PRR5L: variants seen among roughly 807,000 people sequenced by gnomAD.
The protein encoded by PRR5L is proline rich 5 like.
In PRR5L, 21 loss-of-function variants were observed where a neutral mutation model predicts 36.4. The observed-to-expected ratio is 0.58, with a 90% CI of 0.41 to 0.83. The LOEUF (loss-of-function observed/expected upper bound fraction) is 0.83, where lower values mean the gene tolerates loss of function less well. Ranked by LOEUF, PRR5L falls within the 40% of genes least tolerant of loss-of-function variation. The pLI is 0.00. For synonymous variants in PRR5L, 188 were observed against 197.0 expected (o/e 0.95, Z 0.38); for missense variants, 381 against 473.3 (o/e 0.80, Z 1.81).
rs1218000310 is a variant in PRR5L at position 36,464,947 on chromosome 11, GTAAA to G, written c.*2214_*2217del. 1 of 152,198 alleles carries G rather than the reference GTAAA, an allele frequency of 6.6e-6. No individual in the cohort carries two copies. The highest frequency in any genetic ancestry group is 1.5e-5 in the Non-Finnish European group (1 of 68,042). The allele number at this position is 152,198 out of a possible 1,614,324, so 9.4% of individuals were successfully genotyped here. A position where few individuals can be genotyped will look rare whatever the true frequency, so the allele number is the denominator to read the frequency against. The stretch of plus-strand genomic sequence containing the variant: ...GATGTACACATTTGATATTTGTGCA[GTAAA>G]TAGACTGTACCTATAAAAAATTTTA... On this transcript the variant is annotated 3_prime_UTR_variant, in exon 9 of 9. Coordinates refer to ENST00000530639, the MANE Select transcript of PRR5L (RefSeq NM_001160167.2).
At chr11:36,325,132 C>T (rs932899997) in intron 1 of PRR5L, among the ~76,000 whole-genome samples, 10 of 152,128 alleles carry the variant, frequency 6.6e-5, no homozygotes, top group African/African-American at 1.9e-4. Flanking sequence ...TTGGGCCATG[C>T]GGTGAGTTTT....
At chr11:36,410,455 C>A (rs1858000747) in intron 3 of PRR5L, among the ~76,000 whole-genome samples, 1 of 152,158 alleles carries the variant, frequency 6.6e-6, no homozygotes, top group Non-Finnish European at 1.5e-5. Flanking sequence ...AGGTTGGCCT[C>A]CATTTGAGTT....
At chr11:36,362,731 C>T (rs1295854912) in intron 1 of PRR5L, among the ~76,000 whole-genome samples, 1 of 152,040 alleles carries the variant, frequency 6.6e-6, no homozygotes, top group Non-Finnish European at 1.5e-5. Context: ...CTGTTATAGC[C>T]CAGGAATTGC....
chr11:36,389,943 A>G (rs953737812), intron 1 of PRR5L, among the ~76,000 whole-genome samples: 2 of 152,166 alleles, frequency 1.3e-5, no homozygotes, highest in African/African-American at 2.4e-5. Flanking sequence ...TCTCTCAGCA[A>G]TGATGCCTCA....
rs573906240 is a variant in PRR5L at position 36,331,234 on chromosome 11, AGAATGTCAAATAAC to A, written c.-126+34797_-126+34810del. ...ATTTGACATGCTTCATAGGCAATTTAGAATGTCAAATAACCTAATTTGTTTAACATCTCTCTTTT... is the reference window on the plus strand; with the variant it reads ...ATTTGACATGCTTCATAGGCAATTTACTAATTTGTTTAACATCTCTCTTTT... On this transcript the variant is annotated intron_variant, in intron 1 of 8. Coordinates refer to ENST00000530639, the MANE Select transcript of PRR5L (RefSeq NM_001160167.2). 3.2e-3 allele frequency among the ~76,000 whole-genome samples: 495 copies of A among 152,332 alleles called. 6 individuals are homozygous for A. Among genetic ancestry groups the A allele is most frequent in the Admixed American group, 0.03 (458 of 15,302 alleles).
At chr11:36,451,544 T>A (rs913611813) in intron 8 of PRR5L, among the ~76,000 whole-genome samples, 1 of 152,236 alleles carries the variant, frequency 6.6e-6, no homozygotes, top group African/African-American at 2.4e-5. Flanking sequence ...TCCCCCTTGA[T>A]GATTCCTCCC....
At chr11:36,346,267 C>T (rs1287781373) in intron 1 of PRR5L, among the ~76,000 whole-genome samples, 1 of 152,062 alleles carries the variant, frequency 6.6e-6, no homozygotes, top group Non-Finnish European at 1.5e-5. Flanking sequence ...AGCCACCGGC[C>T]CAGCCTTCTG....
chr11:36,395,185 C>A (rs2133548697), intron 1 of PRR5L, among the ~76,000 whole-genome samples: 1 of 152,308 alleles, frequency 6.6e-6, no homozygotes, highest in Middle Eastern at 3.4e-3. Context: ...AAAGGGGAAA[C>A]TCCCTAAATA....
intron 1 of PRR5L, among the ~76,000 whole-genome samples, chr11:36,359,618 C>T (rs1265833697): frequency 6.6e-6 from 1 of 152,172 alleles, no homozygotes; most frequent in Non-Finnish European, 1.5e-5. Context: ...AGATAAGATA[C>T]AGACATGATG....
Position 36,402,241 on chromosome 11 carries a change from T to C in PRR5L, c.164+956T>C, listed in dbSNP as rs187085713. ...TCTTTGTAGTTTGGATCGTTATGGA[T>C]CTTTTCTCTTTTTTCTTTTCTTGAG... On this transcript the variant is annotated intron_variant, in intron 2 of 8. Coordinates refer to ENST00000530639, the MANE Select transcript of PRR5L (RefSeq NM_001160167.2). 4.9e-4 allele frequency among the ~76,000 whole-genome samples: 74 copies of C among 152,272 alleles called. 1 individual carries two copies. The highest frequency in any genetic ancestry group is 1.7e-3 in the African/African-American group (71 of 41,558).
Position 36,350,817 on chromosome 11 carries a change from A to G in PRR5L, c.-125-50180A>G, listed in dbSNP as rs955389548. Among the ~76,000 whole-genome samples, 8 of 148,950 alleles carry G rather than the reference A, an allele frequency of 5.4e-5. No individual in the cohort carries two copies. The Admixed American group carries it at 5.5e-4, about 10-fold the overall frequency. On this transcript the variant is annotated intron_variant, in intron 1 of 8. Coordinates refer to ENST00000530639, the MANE Select transcript of PRR5L (RefSeq NM_001160167.2). ...TGGTTTTCCATTCTTGAGTTACTTCATTTAGAATAATGGTCTCCAGTTCCA... is the reference window on the plus strand; with the variant it reads ...TGGTTTTCCATTCTTGAGTTACTTCGTTTAGAATAATGGTCTCCAGTTCCA...
At chr11:36,337,828 T>C in intron 1 of PRR5L, among the ~76,000 whole-genome samples, 1 of 152,228 alleles carries the variant, frequency 6.6e-6, no homozygotes, top group East Asian at 1.9e-4. Flanking sequence ...CAGGCACAGG[T>C]TAAGATCCAA....
chr11:36,355,659 C>T lies in PRR5L; in HGVS notation c.-125-45338C>T, dbSNP rs554005157. 5.2e-4 allele frequency among the ~76,000 whole-genome samples: 78 copies of T among 151,380 alleles called. 1 individual carries two copies. The highest frequency in any genetic ancestry group is 2.0e-3 in the Admixed American group (31 of 15,158). On this transcript the variant is annotated intron_variant, in intron 1 of 8. Coordinates refer to ENST00000530639, the MANE Select transcript of PRR5L (RefSeq NM_001160167.2). The stretch of plus-strand genomic sequence containing the variant: ...CTGCCTCCTGGGTTCAAGTGATTCT[C>T]CAGCCTCAGCCTCCCAAGTAGCTGG...
rs182700106 is a variant in PRR5L, at chr11:36,362,713, T to C, written c.-125-38284T>C. Reference sequence around the variant, plus strand: ...CTCCTTCCTTCCATAAAAGGTCTTATGGATTCTCTGTTATAGCCCAGGAAT... The same window carrying C: ...CTCCTTCCTTCCATAAAAGGTCTTACGGATTCTCTGTTATAGCCCAGGAAT... On this transcript the variant is annotated intron_variant, in intron 1 of 8. Transcript: ENST00000530639. Among the ~76,000 whole-genome samples the C allele has an allele frequency of 3.3e-3, 499 of 152,344 alleles. 3 individuals carry two copies. Among genetic ancestry groups the C allele is most frequent in the African/African-American group, 0.012 (492 of 41,588 alleles).
At chr11:36,402,442 C>T (rs7119241) in intron 2 of PRR5L, among the ~76,000 whole-genome samples, 34,433 of 151,906 alleles carry the variant, frequency 0.23, 5,643 homozygotes, top group African/African-American at 0.47. Context: ...GGGATTTCAC[C>T]ATGTTGGCCA....
intron 4 of PRR5L, 97 bp downstream of exon 4, chr11:36,419,400 A>G: frequency 9.3e-7 from 1 of 1,079,250 alleles, no homozygotes; most frequent in Non-Finnish European, 1.4e-6. Flanking sequence ...CATTCCTTCA[A>G]CAGACAAAAT....
intron 4 of PRR5L, 29 bp downstream of exon 4, chr11:36,419,332 A>G (rs201917636): frequency 5.6e-6 from 9 of 1,596,812 alleles, no homozygotes; most frequent in Non-Finnish European, 6.9e-6. Context: ...AGCATCCATC[A>G]TTATCATGCA....
intron 8 of PRR5L, among the ~76,000 whole-genome samples, chr11:36,460,979 C>A (rs1859166985): frequency 6.6e-6 from 1 of 152,224 alleles, no homozygotes. Flanking sequence ...GTACATCCTC[C>A]AGGCAAGTTT....
chr11:36,333,275 C>A (rs547086776), intron 1 of PRR5L, among the ~76,000 whole-genome samples: 3 of 152,166 alleles, frequency 2.0e-5, no homozygotes, highest in African/African-American at 7.2e-5. Context: ...CACTCCTATT[C>A]GCTGCTCGTG....
Sources: gnomAD v4.1 joint callset for allele counts (sites outside exome capture counted in the v4.1 genomes callset) on GRCh38, gnomAD v4.1.1 for gene constraint, MANE v1.5 for transcripts, NCBI Gene and HGNC (gene_info 2026-07-23, HGNC 2026-07-21) for gene names.